SPATA6: variants seen among roughly 807,000 people sequenced by gnomAD.
SPATA6 encodes the protein spermatogenesis-associated protein 6.
A neutral mutation model predicts 65.3 loss-of-function variants in SPATA6; 56 were observed. That is an observed-to-expected ratio of 0.86 (90% confidence interval 0.69 to 1.07). SPATA6 has a LOEUF of 1.07. Ranked by LOEUF, SPATA6 falls within the 50% of genes least tolerant of loss-of-function variation. The pLI, the probability that SPATA6 is intolerant of heterozygous loss-of-function variation, is 0.00. For synonymous variants in SPATA6, 199 were observed against 213.2 expected (o/e 0.93, Z 0.58); for missense variants, 590 against 594.8 (o/e 0.99, Z 0.08).
rs191030149 is a variant in SPATA6 at position 48,439,258 on chromosome 1, C to T, written c.238+12294G>A. Among the ~76,000 whole-genome samples the T allele has an allele frequency of 4.1e-3, 624 of 152,250 alleles. 3 individuals are homozygous for T. The highest frequency in any genetic ancestry group is 6.9e-3 in the Admixed American group (106 of 15,302). On this transcript the variant is annotated intron_variant, in intron 3 of 12. Transcript: ENST00000371847. ...AGGGTGCAGGTTTTCAAGAATGCGT[C>T]GGTAAGGGCCACTAAATCTGACCTT...
At chr1:48,282,613 T>A in the SPATA6 span, among the ~76,000 whole-genome samples, 1 of 152,020 alleles carries the variant, frequency 6.6e-6, no homozygotes, top group African/African-American at 2.4e-5. Flanking sequence ...ATCAGAGAAA[T>A]GCAAATCAAA....
intron 3 of SPATA6, among the ~76,000 whole-genome samples, chr1:48,428,777 G>GTA (rs2148048130): frequency 1.5e-5 from 1 of 66,110 alleles, no homozygotes; most frequent in African/African-American, 6.7e-5. Flanking sequence ...GTGTATATAT[G>GTA]TGTGTGTGTG....
chr1:48,462,000 C>A (rs1016188289), intron 1 of SPATA6, among the ~76,000 whole-genome samples: 5 of 152,268 alleles, frequency 3.3e-5, no homozygotes, highest in Admixed American at 1.3e-4. Flanking sequence ...TACACCGTGG[C>A]ATACTATGCA....
intron 11 of SPATA6, among the ~76,000 whole-genome samples, chr1:48,333,272 T>C (rs569032518): frequency 3.9e-5 from 6 of 152,326 alleles, no homozygotes; most frequent in Non-Finnish European, 8.8e-5. Context: ...ATGCTTCCTG[T>C]CCTCAAACAT....
intron 12 of SPATA6, among the ~76,000 whole-genome samples, chr1:48,300,340 A>T (rs1178558111): frequency 6.6e-6 from 1 of 152,166 alleles, no homozygotes; most frequent in Non-Finnish European, 1.5e-5. Flanking sequence ...TTCTTCCCAG[A>T]TACACACAAC....
chr1:48,459,946 G>A (rs947841674), intron 1 of SPATA6, among the ~76,000 whole-genome samples: 1 of 152,034 alleles, frequency 6.6e-6, no homozygotes, highest in Non-Finnish European at 1.5e-5. Flanking sequence ...AAAACACAAC[G>A]TATCAAAATT....
intron 11 of SPATA6, among the ~76,000 whole-genome samples, chr1:48,341,736 T>G (rs1014466315): frequency 1.3e-5 from 2 of 152,136 alleles, no homozygotes; most frequent in East Asian, 3.8e-4. Context: ...GAAAAAAAAG[T>G]TCATACTAGT....
chr1:48,345,051 A>C (rs559335198), intron 11 of SPATA6, among the ~76,000 whole-genome samples: 30 of 152,212 alleles, frequency 2.0e-4, no homozygotes, highest in African/African-American at 6.7e-4. Flanking sequence ...CTCTACTCCC[A>C]AAAACAACAG....
rs148299675 is a variant in SPATA6, at chr1:48,325,314, T to C, written c.1195-19436A>G. 56 of 1,181,944 alleles carry C rather than the reference T, an allele frequency of 4.7e-5. No individual in the cohort carries two copies. In the East Asian group the frequency reaches 1.2e-3, roughly 26 times the overall value. 73.2% of individuals were successfully genotyped at this position (1,181,944 alleles called of 1,614,324 possible). ...TGGAAACTGGGAGCCTGCTTCACTGTGTGTAGGGCACAGGCCCCCGTAGAG... is the reference window on the plus strand; with the variant it reads ...TGGAAACTGGGAGCCTGCTTCACTGCGTGTAGGGCACAGGCCCCCGTAGAG... On this transcript the variant is annotated intron_variant, in intron 11 of 12. Transcript: ENST00000371847.
At chr1:48,436,610 G>A in intron 3 of SPATA6, 4 of 1,613,892 alleles carry the variant, frequency 2.5e-6, no homozygotes, top group Non-Finnish European at 3.4e-6. Flanking sequence ...CATGGACAGA[G>A]GCATAGGGCT....
chr1:48,291,986 G>A (rs1281085852), downstream of SPATA6, among the ~76,000 whole-genome samples: 2 of 152,270 alleles, frequency 1.3e-5, no homozygotes, highest in East Asian at 3.9e-4. Context: ...TCGTTTACCT[G>A]TGTTGTCTTG....
At chr1:48,416,602 T>C (rs770003850) in intron 3 of SPATA6, among the ~76,000 whole-genome samples, 4 of 152,142 alleles carry the variant, frequency 2.6e-5, no homozygotes, top group Middle Eastern at 3.2e-3. Flanking sequence ...GAATTTATTT[T>C]CAAAATGCCA....
chr1:48,289,850 G>A, the SPATA6 span, among the ~76,000 whole-genome samples: 9 of 152,202 alleles, frequency 5.9e-5, no homozygotes, highest in Non-Finnish European at 1.2e-4. Context: ...ATGGGACTAT[G>A]TGAAAAGACC....
chr1:48,341,934 A>G (rs771486503), intron 11 of SPATA6, among the ~76,000 whole-genome samples: 14 of 152,220 alleles, frequency 9.2e-5, no homozygotes, highest in Non-Finnish European at 1.8e-4. Flanking sequence ...CATATCCCCT[A>G]AAGATAAGGA....
chr1:48,466,031 AC>A (rs1050326872), intron 1 of SPATA6, among the ~76,000 whole-genome samples: 10 of 152,072 alleles, frequency 6.6e-5, no homozygotes, highest in Admixed American at 6.5e-4. Context: ...ATACCACAGG[AC>A]TCCCCAACCA....
intron 9 of SPATA6, among the ~76,000 whole-genome samples, chr1:48,369,781 C>T (rs1385395153): frequency 1.3e-5 from 2 of 152,186 alleles, no homozygotes; most frequent in Non-Finnish European, 2.9e-5. Flanking sequence ...GCACTGCACC[C>T]ACTGTCCTGC....
intron 3 of SPATA6, among the ~76,000 whole-genome samples, chr1:48,433,069 TACTC>T (rs1158992689): frequency 6.6e-6 from 1 of 152,126 alleles, no homozygotes. Context: ...TTATCTGAGA[TACTC>T]AGAGTACTCA....
At chr1:48,311,800 A>C (rs1645218532) in intron 11 of SPATA6, among the ~76,000 whole-genome samples, 1 of 152,340 alleles carries the variant, frequency 6.6e-6, no homozygotes, top group African/African-American at 2.4e-5. Context: ...ACAAGGGGTG[A>C]GGGAATTCCC....
At chr1:48,451,638 A>C in intron 2 of SPATA6, 38 bp from the exon 3 acceptor site, 1 of 1,578,312 alleles carries the variant, frequency 6.3e-7, no homozygotes, top group East Asian at 2.3e-5. Context: ...AGGAAGGAAG[A>C]TATATATTTT....
Sources: allele counts gnomAD v4.1 joint callset (sites outside exome capture counted in the v4.1 genomes callset), GRCh38; gene constraint gnomAD v4.1.1; transcripts MANE v1.5; gene names NCBI Gene and HGNC (gene_info 2026-07-23, HGNC 2026-07-21).